Variants in MAP2K4 observed in about 807,000 individuals in gnomAD.
The protein encoded by MAP2K4 is mitogen-activated protein kinase kinase 4.
MAP2K4 carries 4 observed loss-of-function variants against 48.5 expected under a neutral mutation model. The ratio of observed to expected loss-of-function variants is 0.08; its 90% CI spans 0.04 to 0.19. The LOEUF is 0.19. Among genes scored for constraint, MAP2K4 ranks in the 10% least tolerant of loss-of-function variants. The probability of loss-of-function intolerance (pLI) is 1.00; values close to 1 mark genes in which losing one functional copy is unlikely to be tolerated. For synonymous variants in MAP2K4, 166 were observed against 173.1 expected (o/e 0.96, Z 0.32); for missense variants, 258 against 493.3 (o/e 0.52, Z 4.52).
At chr17:12,130,490 A>C (rs1396110022) in intron 9 of MAP2K4, among the ~76,000 whole-genome samples, 2 of 152,204 alleles carry the variant, frequency 1.3e-5, no homozygotes, top group Non-Finnish European at 2.9e-5. Context: ...CATAGGGTAT[A>C]ATATCTAAAA....
chr17:12,084,761 GCT>G (rs1408421790), intron 3 of MAP2K4, among the ~76,000 whole-genome samples: 1 of 152,084 alleles, frequency 6.6e-6, no homozygotes, highest in African/African-American at 2.4e-5. Flanking sequence ...ATGTTAACCA[GCT>G]CTCTGGTTAA....
At chr17:12,042,952 C>T (rs747709983) in intron 1 of MAP2K4, among the ~76,000 whole-genome samples, 3 of 150,916 alleles carry the variant, frequency 2.0e-5, no homozygotes, top group Non-Finnish European at 4.4e-5. Context: ...GAGGCTGAGG[C>T]AGGAGAATGG....
rs1306564192 is a variant in MAP2K4, at chr17:12,141,194, A to G, written c.1134A>G (p.Ala378=). 1.9e-6 allele frequency: 3 copies of G among 1,613,908 alleles called. No individual in the cohort carries two copies. In the South Asian group the frequency reaches 3.3e-5, roughly 18 times the overall value. The stretch of plus-strand genomic sequence containing the variant: ...ATGAAGAACGTGCCGTTGAGGTCGC[A>G]TGCTATGTTTGTAAAATCCTGGATC... The part of the protein sequence containing the change: ...LMYEERAVEV[A]CYVCKILDQM... The change falls in exon 11 of 11, where the codon GCA becomes GCG. Residue 378 remains alanine, a synonymous_variant. Transcript: ENST00000353533.
At chr17:12,125,126 G>T in intron 7 of MAP2K4, 168 bp from the exon 8 acceptor site, 2 of 584,934 alleles carry the variant, frequency 3.4e-6, no homozygotes, top group African/African-American at 1.9e-5. Context: ...GTTTTTTGTT[G>T]TTTGTTTTTA....
chr17:12,112,378 G>A (rs892660957), intron 6 of MAP2K4, among the ~76,000 whole-genome samples: 15 of 149,796 alleles, frequency 1.0e-4, no homozygotes, highest in African/African-American at 3.7e-4. Context: ...CAGAAGAATC[G>A]ATTGAACTTG....
chr17:12,024,693 T>C (rs1969201072), intron 1 of MAP2K4, among the ~76,000 whole-genome samples: 1 of 152,194 alleles, frequency 6.6e-6, no homozygotes, highest in South Asian at 2.1e-4. Context: ...ATCAATAATT[T>C]GTTAATGTAG....
intron 1 of MAP2K4, among the ~76,000 whole-genome samples, chr17:12,026,251 G>T (rs1215626297): frequency 1.1e-4 from 17 of 152,146 alleles, no homozygotes; most frequent in Non-Finnish European, 1.5e-5. Context: ...TGTATTTTGA[G>T]TCGTTTTCTT....
intron 2 of MAP2K4, among the ~76,000 whole-genome samples, chr17:12,056,199 C>A (rs1207091825): frequency 1.3e-5 from 2 of 152,022 alleles, no homozygotes; most frequent in African/African-American, 4.8e-5. Context: ...TGTTGGAAGT[C>A]TAAGAAGGAA....
chr17:12,043,536 A>G (rs1969862577), intron 1 of MAP2K4, among the ~76,000 whole-genome samples: 2 of 152,026 alleles, frequency 1.3e-5, no homozygotes, highest in Admixed American at 6.5e-5. Context: ...GATGACTTCA[A>G]ATTTGGGGGT....
rs1972947865 is a variant in MAP2K4 at position 12,129,119 on chromosome 17, T to C, written c.892-20T>C. The C allele has an allele frequency of 6.2e-7, 1 of 1,611,750 alleles. No homozygotes were observed. The highest frequency in any genetic ancestry group is 1.3e-5 in the African/African-American group (1 of 74,872). ...AATGATGCCTGGTGTATTTTGCTCT[T>C]TCCTCTTTGTTCTCTTTAGTATGAG... On this transcript the variant is annotated intron_variant, in intron 8 of 10. Transcript: ENST00000353533.
chr17:12,059,740 A>G (rs1970392200), intron 2 of MAP2K4, among the ~76,000 whole-genome samples: 1 of 152,226 alleles, frequency 6.6e-6, no homozygotes, highest in African/African-American at 2.4e-5. Context: ...TAGTTTAAAG[A>G]GGTTTCAAAG....
chr17:12,121,032 A>G (rs761987313), intron 7 of MAP2K4, among the ~76,000 whole-genome samples: 6 of 152,184 alleles, frequency 3.9e-5, no homozygotes, highest in African/African-American at 1.2e-4. Flanking sequence ...ATGATTGCCT[A>G]TTAATAGCAT....
chr17:12,047,163 G>GT lies in MAP2K4; in HGVS notation c.116-7716dup, dbSNP rs568733989. 4.1e-3 allele frequency among the ~76,000 whole-genome samples: 612 copies of GT among 148,596 alleles called. 2 individuals are homozygous for GT. Among genetic ancestry groups the GT allele is most frequent in the African/African-American group, 8.7e-3 (352 of 40,496 alleles). On this transcript the variant is annotated intron_variant, in intron 1 of 10. Transcript: ENST00000353533. ...GGAAATGCTGAGGGTGAATTATTTT[G>GT]TTTTTTTTTTCCTTGACAGTAGAGC... is the stretch of plus-strand genomic sequence containing the variant.
At chr17:12,038,406 A>G (rs1032767742) in intron 1 of MAP2K4, among the ~76,000 whole-genome samples, 4 of 152,196 alleles carry the variant, frequency 2.6e-5, no homozygotes, top group African/African-American at 7.2e-5. Context: ...GTTAATCAGA[A>G]AGGAAAATCA....
intron 2 of MAP2K4, among the ~76,000 whole-genome samples, chr17:12,077,213 G>T (rs147292871): frequency 6.6e-6 from 1 of 152,254 alleles, no homozygotes; most frequent in East Asian, 1.9e-4. Flanking sequence ...CCTGTTGCTG[G>T]AACTGCTCTG....
intron 1 of MAP2K4, among the ~76,000 whole-genome samples, chr17:12,053,688 C>T (rs1970207179): frequency 1.3e-5 from 2 of 151,622 alleles, no homozygotes; most frequent in Non-Finnish European, 1.5e-5. Context: ...GTTTGGTCTT[C>T]GTGGGAATTC....
intron 7 of MAP2K4, among the ~76,000 whole-genome samples, chr17:12,114,688 A>C (rs1972428827): frequency 6.6e-6 from 1 of 152,212 alleles, no homozygotes; most frequent in African/African-American, 2.4e-5. Flanking sequence ...AACAGTGACT[A>C]AATGTTTTTG....
chr17:12,087,285 A>G (rs1181133956), intron 3 of MAP2K4, among the ~76,000 whole-genome samples: 1 of 152,152 alleles, frequency 6.6e-6, no homozygotes, highest in Admixed American at 6.5e-5. Flanking sequence ...TCAGATTTCT[A>G]TTGTTACCTC....
rs1972370831 is a variant in MAP2K4, at chr17:12,113,363, A to G, written c.813+3A>G. 6.2e-7 allele frequency: 1 copy of G among 1,613,392 alleles called. No individual in the cohort carries two copies. On this transcript the variant is annotated splice_donor_region_variant and intron_variant, in intron 7 of 10. Coordinates refer to ENST00000353533, the MANE Select transcript of MAP2K4 (RefSeq NM_003010.4). ...CTGGCTGTAGGCCATACATGGCAGTAAGTGTTAAGTCCAGGCCTTCTTGCT... is the reference window on the plus strand; with the variant it reads ...CTGGCTGTAGGCCATACATGGCAGTGAGTGTTAAGTCCAGGCCTTCTTGCT...
Sources: allele counts gnomAD v4.1 joint callset (sites outside exome capture counted in the v4.1 genomes callset), GRCh38; gene constraint gnomAD v4.1.1; transcripts MANE v1.5; gene names NCBI Gene and HGNC (gene_info 2026-07-23, HGNC 2026-07-21).